The following USP34 variants were observed in gnomAD, a reference collection of about 807,000 sequenced individuals.
USP34 encodes ubiquitin carboxyl-terminal hydrolase 34.
In USP34, 70 loss-of-function variants were observed where a neutral mutation model predicts 460.3. That is an observed-to-expected ratio of 0.15 (90% CI 0.13 to 0.19). The LOEUF (loss-of-function observed/expected upper bound fraction) is 0.19. USP34 is among the 10% of genes least tolerant of loss of function. The pLI is 1.00. For missense variants in USP34, 3,985 were observed against 4,236.2 expected (o/e 0.94, Z 1.65); for synonymous variants, 1,647 against 1,405.3 (o/e 1.17, Z -3.85).
Position 61,222,353 on chromosome 2 carries a change from C to T in USP34, c.7794+266G>A, listed in dbSNP as rs146699901. 4.8e-3 allele frequency among the ~76,000 whole-genome samples: 733 copies of T among 152,272 alleles called. 4 individuals carry two copies. Among genetic ancestry groups the T allele is most frequent in the African/African-American group, 0.017 (691 of 41,542 alleles). On this transcript the variant is annotated intron_variant, in intron 65 of 79. Coordinates refer to ENST00000398571, the MANE Select transcript of USP34 (RefSeq NM_014709.4). ...TGGGCACAATTAGGATATATGTTCC[C>T]AATCAAACAACTTTAAAGCCTGGCA...
intron 27 of USP34, among the ~76,000 whole-genome samples, chr2:61,304,494 G>A (rs1690340261): frequency 6.6e-6 from 1 of 152,188 alleles, no homozygotes; most frequent in African/African-American, 2.4e-5. Flanking sequence ...ATTTGGAGGT[G>A]GGACCTTTTG....
chr2:61,315,800 T>C (rs1223921258), intron 23 of USP34, among the ~76,000 whole-genome samples: 1 of 152,290 alleles, frequency 6.6e-6, no homozygotes, highest in East Asian at 1.9e-4. Context: ...TCCTTCTAAA[T>C]TGGCAGCTAA....
chr2:61,194,169 G>T (rs1406507927), intron 75 of USP34: 1 of 985,202 alleles, frequency 1.0e-6, no homozygotes, highest in African/African-American at 1.7e-5. Context: ...ACTTACCAAG[G>T]ATGCCTAGGA....
intron 12 of USP34, among the ~76,000 whole-genome samples, chr2:61,349,748 G>C (rs1691889209): frequency 6.6e-6 from 1 of 152,062 alleles, no homozygotes; most frequent in African/African-American, 2.4e-5. Context: ...GGCTGAGGCA[G>C]GAGAATGACG....
chr2:61,464,543 T>C (rs996139751), intron 1 of USP34, among the ~76,000 whole-genome samples: 1 of 151,938 alleles, frequency 6.6e-6, no homozygotes, highest in African/African-American at 2.4e-5. Flanking sequence ...CTTGGTAAAC[T>C]ATAACCCACC....
At chr2:61,412,754 T>C (rs1174383843) in intron 2 of USP34, among the ~76,000 whole-genome samples, 1 of 151,782 alleles carries the variant, frequency 6.6e-6, no homozygotes, top group Non-Finnish European at 1.5e-5. Flanking sequence ...CTGAGCATAG[T>C]GGCACATGCC....
intron 1 of USP34, among the ~76,000 whole-genome samples, chr2:61,425,329 G>A (rs1384060901): frequency 1.3e-5 from 2 of 152,040 alleles, no homozygotes; most frequent in Non-Finnish European, 2.9e-5. Context: ...CATAGTACCT[G>A]GTTTTAACTG....
intron 1 of USP34, among the ~76,000 whole-genome samples, chr2:61,466,493 G>A (rs562544879): frequency 1.1e-4 from 17 of 152,298 alleles, no homozygotes; most frequent in African/African-American, 3.6e-4. Context: ...CAAAGCAAAT[G>A]CTAAATGTTT....
chr2:61,358,993 C>T (rs776831930), intron 10 of USP34, among the ~76,000 whole-genome samples: 4 of 152,012 alleles, frequency 2.6e-5, no homozygotes, highest in Admixed American at 6.6e-5. Context: ...TTCATGTTAA[C>T]GGATAGGAAG....
intron 3 of USP34, among the ~76,000 whole-genome samples, chr2:61,397,199 T>G: frequency 6.6e-6 from 1 of 152,112 alleles, no homozygotes; most frequent in East Asian, 1.9e-4. Flanking sequence ...TCCCAGCACT[T>G]TGGGAGGCCA....
chr2:61,434,063 T>C (rs1694748236), intron 1 of USP34, among the ~76,000 whole-genome samples: 1 of 151,862 alleles, frequency 6.6e-6, no homozygotes, highest in Non-Finnish European at 1.5e-5. Context: ...CACTATAAGC[T>C]CTCTCCAAAG....
intron 21 of USP34, among the ~76,000 whole-genome samples, chr2:61,324,032 G>T (rs1691009718): frequency 6.6e-6 from 1 of 152,192 alleles, no homozygotes; most frequent in African/African-American, 2.4e-5. Flanking sequence ...GACTTGAAAA[G>T]AGTCATGACG....
At chr2:61,342,366 T>C (rs1691631713) in intron 16 of USP34, among the ~76,000 whole-genome samples, 1 of 146,626 alleles carries the variant, frequency 6.8e-6, no homozygotes, top group Admixed American at 7.0e-5. Flanking sequence ...AGTGGCGTGA[T>C]CTCGGCTCAC....
intron 58 of USP34, among the ~76,000 whole-genome samples, chr2:61,230,132 G>C (rs1377037648): frequency 1.3e-5 from 2 of 152,100 alleles, no homozygotes; most frequent in Non-Finnish European, 2.9e-5. Context: ...ATACCTTCTA[G>C]GATGGCTAAA....
At chr2:61,234,473 A>T (rs540940057) in intron 57 of USP34, among the ~76,000 whole-genome samples, 3 of 152,138 alleles carry the variant, frequency 2.0e-5, no homozygotes, top group Non-Finnish European at 4.4e-5. Flanking sequence ...TGATCTACTG[A>T]GACAGGTGGA....
intron 33 of USP34, among the ~76,000 whole-genome samples, chr2:61,290,246 T>C (rs1333894974): frequency 6.6e-6 from 1 of 152,172 alleles, no homozygotes; most frequent in Non-Finnish European, 1.5e-5. Flanking sequence ...TCTCGTATGT[T>C]GCATAGTATA....
At position 61,256,962 on chromosome 2, in the gene USP34, A is replaced by C. The variant is rs763121632; in HGVS notation, c.6049-12T>G. On this transcript the variant is annotated splice_polypyrimidine_tract_variant and intron_variant, in intron 46 of 79. Transcript: ENST00000398571. ...ACATGTTCACAATCCTAATCAATAC[A>C]CATAAAAAATTAATAAAAACTAGTA... 4.1e-5 allele frequency: 61 copies of C among 1,478,864 alleles called. No homozygotes were observed. Among genetic ancestry groups the C allele is most frequent in the Non-Finnish European group, 5.4e-5 (60 of 1,117,584 alleles). 91.6% of individuals were successfully genotyped at this position (1,478,864 alleles called of 1,614,324 possible). A position where few individuals can be genotyped will look rare whatever the true frequency, so the allele number is the denominator to read the frequency against.
chr2:61,320,902 C>G (rs764898843), intron 21 of USP34, among the ~76,000 whole-genome samples: 1 of 151,802 alleles, frequency 6.6e-6, no homozygotes, highest in Non-Finnish European at 1.5e-5. Context: ...CCCAGCTACT[C>G]GGGAGGATAA....
rs1223696627 is a variant in USP34 at position 61,417,933 on chromosome 2, GT to G, written c.131+2812del. On this transcript the variant is annotated intron_variant, in intron 2 of 79. Transcript: ENST00000398571. ...TTTTTGTATTTTTAGTAGAGACAGG[GT>G]TTCACCGTGTTGACCAGGCTGGTCT... Among the ~76,000 whole-genome samples the G allele has an allele frequency of 2.3e-4, 34 of 150,812 alleles. No homozygotes were observed. In the East Asian group the frequency reaches 6.4e-3, roughly 28 times the overall value.
Sources: gnomAD v4.1 joint callset for allele counts (sites outside exome capture counted in the v4.1 genomes callset) on GRCh38, gnomAD v4.1.1 for gene constraint, MANE v1.5 for transcripts, NCBI Gene and HGNC (gene_info 2026-07-23, HGNC 2026-07-21) for gene names.